Variants in TSHZ2 observed in about 807,000 individuals in gnomAD.
TSHZ2 encodes teashirt homolog 2.
A neutral mutation model predicts 74.4 loss-of-function variants in TSHZ2; 21 were observed. That is an observed-to-expected ratio of 0.28 (90% CI 0.20 to 0.41). TSHZ2 has a LOEUF of 0.41. TSHZ2 is among the 10% of genes least tolerant of loss of function. TSHZ2 has a pLI of 1.00. For synonymous variants in TSHZ2, 540 were observed against 515.3 expected, an observed-to-expected ratio of 1.05 and a Z score of -0.65; for missense variants, 1,244 against 1,293.5, an observed-to-expected ratio of 0.96 and a Z score of 0.59.
chr20:53,134,084 T>C (rs1261767290), intron 1 of TSHZ2, among the ~76,000 whole-genome samples: 2 of 152,066 alleles, frequency 1.3e-5, no homozygotes, highest in African/African-American at 2.4e-5. Flanking sequence ...CATTCTATTC[T>C]CTAAACAGTT....
rs16997394 is a variant in TSHZ2 at position 52,988,990 on chromosome 20, T to C, written c.40+15657T>C. ...AAAATCTGCCCTCACAGGTTTATGGTCAAGATGTCTAAAAGATGTCTTGTA... is the reference window on the plus strand; with the variant it reads ...AAAATCTGCCCTCACAGGTTTATGGCCAAGATGTCTAAAAGATGTCTTGTA... On this transcript the variant is annotated intron_variant, in intron 1 of 2. Transcript: ENST00000371497. Among the ~76,000 whole-genome samples the C allele has an allele frequency of 6.8e-3, 1,039 of 152,232 alleles. 18 individuals carry two copies. The highest frequency in any genetic ancestry group is 0.024 in the African/African-American group (987 of 41,536).
At chr20:53,110,315 C>T (rs1986494780) in intron 1 of TSHZ2, among the ~76,000 whole-genome samples, 1 of 152,018 alleles carries the variant, frequency 6.6e-6, no homozygotes, top group Admixed American at 6.5e-5. Flanking sequence ...ACCCTCATGC[C>T]CACAGCCAAA....
chr20:53,321,739 A>G (rs1254612505), intron 2 of TSHZ2, among the ~76,000 whole-genome samples: 1 of 151,616 alleles, frequency 6.6e-6, no homozygotes, highest in Non-Finnish European at 1.5e-5. Flanking sequence ...AAATTGAGTG[A>G]AGGGAGGTGG....
intron 1 of TSHZ2, among the ~76,000 whole-genome samples, chr20:52,976,940 T>C (rs886553705): frequency 6.6e-6 from 1 of 152,214 alleles, no homozygotes. Flanking sequence ...TTATTTAATA[T>C]GGAGATGAAT....
chr20:53,137,464 T>C (rs1273478574), intron 1 of TSHZ2, among the ~76,000 whole-genome samples: 1 of 152,040 alleles, frequency 6.6e-6, no homozygotes, highest in Non-Finnish European at 1.5e-5. Flanking sequence ...CTGATATAAA[T>C]GGAATCACTT....
At chr20:53,416,280 A>T (rs1223116099) in intron 2 of TSHZ2, among the ~76,000 whole-genome samples, 1 of 152,220 alleles carries the variant, frequency 6.6e-6, no homozygotes, top group Non-Finnish European at 1.5e-5. Flanking sequence ...AGGCGGTGGG[A>T]AGTGGAGCAA....
chr20:52,981,745 G>C (rs1460532262), intron 1 of TSHZ2, among the ~76,000 whole-genome samples: 1 of 152,186 alleles, frequency 6.6e-6, no homozygotes, highest in East Asian at 1.9e-4. Context: ...TCTTTCCCAA[G>C]AAATAGAATT....
chr20:53,431,278 G>A (rs1424883183), intron 2 of TSHZ2, among the ~76,000 whole-genome samples: 2 of 151,928 alleles, frequency 1.3e-5, no homozygotes, highest in Non-Finnish European at 2.9e-5. Context: ...CCAGCATGGC[G>A]AAACCCCATC....
At chr20:53,458,343 G>C (rs1482561343) in intron 2 of TSHZ2, among the ~76,000 whole-genome samples, 3 of 152,040 alleles carry the variant, frequency 2.0e-5, no homozygotes, top group African/African-American at 4.8e-5. Context: ...TAGTTTATTT[G>C]TGTAGAGGTG....
chr20:53,334,748 G>A (rs1234636800), intron 2 of TSHZ2, among the ~76,000 whole-genome samples: 1 of 151,816 alleles, frequency 6.6e-6, no homozygotes, highest in Admixed American at 6.6e-5. Flanking sequence ...AGGCTGGAGT[G>A]CAGTGGCGCA....
In TSHZ2 at chr20:53,420,456, G is replaced by A. The variant is rs1159929689; in HGVS notation, c.*9-66688G>A. ...TTCATTGAAAAAAAGTGGGCCAGGC[G>A]CGGTGGCTCACGCCTGTAATCCCAG... is the stretch of plus-strand genomic sequence containing the variant. On this transcript the variant is annotated intron_variant, in intron 2 of 2. Coordinates refer to ENST00000371497, the MANE Select transcript of TSHZ2 (RefSeq NM_173485.6). Among the ~76,000 whole-genome samples the A allele has an allele frequency of 2.6e-5, 4 of 152,194 alleles. No individual in the cohort carries two copies. The East Asian group carries it at 5.8e-4, about 22-fold the overall frequency.
rs1986309369 is a variant in TSHZ2, at chr20:53,487,137, A to C, written c.*9-7A>C. On this transcript the variant is annotated splice_polypyrimidine_tract_variant and splice_region_variant and intron_variant, in intron 2 of 2. Coordinates refer to ENST00000371497, the MANE Select transcript of TSHZ2 (RefSeq NM_173485.6). The stretch of plus-strand genomic sequence containing the variant: ...GCATCTTTCTGTTGTTCTGATTCCC[A>C]TTACAGGACGAATGCCTTAGTTTCC... The C allele has an allele frequency of 2.6e-5, 4 of 152,998 alleles. No homozygotes were observed. 9.5% of individuals were successfully genotyped at this position (152,998 alleles called of 1,614,324 possible).
chr20:53,478,635 A>G (rs937098330), intron 2 of TSHZ2, among the ~76,000 whole-genome samples: 1 of 151,874 alleles, frequency 6.6e-6, no homozygotes, highest in African/African-American at 2.4e-5. Flanking sequence ...CACAATGTGC[A>G]CATGTACCCT....
chr20:53,377,898 C>T (rs1163177259), intron 2 of TSHZ2, among the ~76,000 whole-genome samples: 1 of 151,748 alleles, frequency 6.6e-6, no homozygotes, highest in Non-Finnish European at 1.5e-5. Context: ...GTCCCGTGGC[C>T]AGAGTTTGCT....
At chr20:53,204,203 G>GATGATATGATACTATATCATCAT in intron 1 of TSHZ2, among the ~76,000 whole-genome samples, 7 of 139,234 alleles carry the variant, frequency 5.0e-5, no homozygotes, top group South Asian at 5.1e-4. Context: ...ATCATCATAT[G>GATGATATGATACTATATCATCAT]ATGATATGAT....
intron 1 of TSHZ2, among the ~76,000 whole-genome samples, chr20:53,063,624 C>G (rs1984886822): frequency 6.6e-6 from 1 of 152,108 alleles, no homozygotes; most frequent in Non-Finnish European, 1.5e-5. Context: ...TTCATCTTTT[C>G]TTAAGTGAAT....
chr20:53,188,414 A>G (rs1988652932), intron 1 of TSHZ2, among the ~76,000 whole-genome samples: 1 of 152,236 alleles, frequency 6.6e-6, no homozygotes, highest in African/African-American at 2.4e-5. Context: ...TAGAGATACA[A>G]GGCAATGCTA....
intron 2 of TSHZ2, among the ~76,000 whole-genome samples, chr20:53,326,378 G>A (rs1432548759): frequency 6.6e-6 from 1 of 152,198 alleles, no homozygotes; most frequent in Non-Finnish European, 1.5e-5. Context: ...ACTATTAATA[G>A]ATAAGACATC....
intron 1 of TSHZ2, chr20:53,196,584 G>T (rs1452963968): frequency 2.0e-5 from 3 of 152,296 alleles, no homozygotes; most frequent in African/African-American, 4.8e-5. Flanking sequence ...TGCTCTTTCT[G>T]TCTGAACCTA....
Sources: allele counts gnomAD v4.1 joint callset (sites outside exome capture counted in the v4.1 genomes callset), GRCh38; gene constraint gnomAD v4.1.1; transcripts MANE v1.5; gene names NCBI Gene and HGNC (gene_info 2026-07-23, HGNC 2026-07-21).